Variants in ACTR3C observed in about 807,000 individuals in gnomAD.
ACTR3C encodes the protein actin related protein 3C.
A neutral mutation model predicts 26.3 loss-of-function variants in ACTR3C; 18 were observed. The ratio of observed to expected loss-of-function variants is 0.68; its 90% CI spans 0.47 to 1.01. The LOEUF (loss-of-function observed/expected upper bound fraction) is 1.01, where lower values mean the gene tolerates loss of function less well. ACTR3C is among the 50% of genes least tolerant of loss of function. The pLI is 0.00. For missense variants in ACTR3C, 184 were observed against 250.7 expected (o/e 0.73, Z 1.80); for synonymous variants, 55 against 94.5 (o/e 0.58, Z 2.42).
chr7:150,133,454 T>C, the ACTR3C span, among the ~76,000 whole-genome samples: 14 of 152,260 alleles, frequency 9.2e-5, no homozygotes, highest in Middle Eastern at 3.4e-3. Flanking sequence ...TCCTAGGAGC[T>C]CCTGGAGTTC....
At chr7:150,038,521 C>G in the ACTR3C span, among the ~76,000 whole-genome samples, 1 of 144,582 alleles carries the variant, frequency 6.9e-6, no homozygotes, top group Non-Finnish European at 1.5e-5. Context: ...AGTTTGGGAT[C>G]CACAGCCTAC....
chr7:150,012,153 C>A, the ACTR3C span, among the ~76,000 whole-genome samples: 2 of 152,076 alleles, frequency 1.3e-5, no homozygotes, highest in Non-Finnish European at 2.9e-5. Flanking sequence ...TAGGCTAAGT[C>A]AGTAACTGCT....
the ACTR3C span, among the ~76,000 whole-genome samples, chr7:150,149,079 GTATATATATA>G: frequency 0.066 from 6,150 of 92,868 alleles, 461 homozygotes; most frequent in Non-Finnish European, 0.085. Context: ...TAAAGTTTGA[GTATATATATA>G]TATATATATA....
At chr7:150,260,677 G>A (rs1042868736) in intron 6 of ACTR3C, among the ~76,000 whole-genome samples, 19 of 152,320 alleles carry the variant, frequency 1.2e-4, no homozygotes, top group Non-Finnish European at 2.1e-4. Context: ...CGGGGTCTGC[G>A]TGATCATCTT....
chr7:150,202,578 C>A, the ACTR3C span, among the ~76,000 whole-genome samples: 1 of 152,286 alleles, frequency 6.6e-6, no homozygotes, highest in African/African-American at 2.4e-5. Context: ...CAAAGCTCTG[C>A]AGCATCATCA....
chr7:150,042,857 C>G, the ACTR3C span, among the ~76,000 whole-genome samples: 5 of 150,954 alleles, frequency 3.3e-5, no homozygotes, highest in Non-Finnish European at 7.4e-5. Context: ...CTCTCTCTGA[C>G]GCATACAATG....
At chr7:149,990,537 C>T in the ACTR3C span, among the ~76,000 whole-genome samples, 33 of 125,978 alleles carry the variant, frequency 2.6e-4, no homozygotes, top group African/African-American at 9.2e-4. Context: ...CCTGGCCTAG[C>T]GGTTGGAGAT....
chr7:150,127,151 C>G, the ACTR3C span, among the ~76,000 whole-genome samples: 1 of 89,984 alleles, frequency 1.1e-5, no homozygotes, highest in African/African-American at 4.0e-5. Flanking sequence ...CACACACACA[C>G]ACACACACAC....
At chr7:149,904,303 G>C in the ACTR3C span, among the ~76,000 whole-genome samples, 1 of 150,534 alleles carries the variant, frequency 6.6e-6, no homozygotes, top group African/African-American at 2.4e-5. Flanking sequence ...GAGCTGAGGT[G>C]GGTGAATCAC....
the ACTR3C span, among the ~76,000 whole-genome samples, chr7:150,103,701 C>A: frequency 6.6e-6 from 1 of 151,832 alleles, no homozygotes; most frequent in Admixed American, 6.6e-5. Context: ...ATATTACCTT[C>A]CAAAAAAATT....
chr7:150,265,866 G>C (rs546026262), intron 6 of ACTR3C, among the ~76,000 whole-genome samples: 1 of 152,190 alleles, frequency 6.6e-6, no homozygotes, highest in South Asian at 2.1e-4. Context: ...GGGAGCATCT[G>C]AGAGTAACTT....
chr7:150,082,015 C>T, the ACTR3C span, among the ~76,000 whole-genome samples: 1 of 152,034 alleles, frequency 6.6e-6, no homozygotes, highest in Non-Finnish European at 1.5e-5. Flanking sequence ...CTTTTAATAT[C>T]ACAGTCACCC....
chr7:150,041,111 G>A, the ACTR3C span, among the ~76,000 whole-genome samples: 3 of 150,492 alleles, frequency 2.0e-5, no homozygotes, highest in East Asian at 1.9e-4. Flanking sequence ...TTGTCAGATC[G>A]GGTAGCCCCA....
At chr7:150,204,572 G>C in the ACTR3C span, among the ~76,000 whole-genome samples, 1 of 152,136 alleles carries the variant, frequency 6.6e-6, no homozygotes, top group Non-Finnish European at 1.5e-5. Flanking sequence ...CACATCCAGA[G>C]AGACCCATCA....
At chr7:150,319,895 C>T (rs1011014868) in intron 1 of ACTR3C, among the ~76,000 whole-genome samples, 2 of 152,180 alleles carry the variant, frequency 1.3e-5, no homozygotes, top group Non-Finnish European at 2.9e-5. Context: ...CCTAGCAAAA[C>T]GAGATGATTT....
the ACTR3C span, among the ~76,000 whole-genome samples, chr7:150,065,429 C>T: frequency 6.6e-6 from 1 of 152,232 alleles, no homozygotes; most frequent in African/African-American, 2.4e-5. Flanking sequence ...TACATGACCA[C>T]ATCATAGTTC....
the ACTR3C span, among the ~76,000 whole-genome samples, chr7:150,011,324 C>T: frequency 4.6e-5 from 7 of 151,804 alleles, no homozygotes; most frequent in Admixed American, 4.6e-4. Context: ...CGGTGGCTCA[C>T]GCCTGTAATC....
the ACTR3C span, among the ~76,000 whole-genome samples, chr7:150,187,208 A>G: frequency 2.6e-5 from 4 of 151,050 alleles, no homozygotes; most frequent in African/African-American, 7.4e-5. Flanking sequence ...TCTTTAAATT[A>G]TAACCAATTT....
At chr7:150,034,999 A>T in the ACTR3C span, among the ~76,000 whole-genome samples, 1 of 136,762 alleles carries the variant, frequency 7.3e-6, no homozygotes, top group Non-Finnish European at 1.6e-5. Flanking sequence ...CCCTCCTGTG[A>T]TGGGGGTCCT....
Sources: allele counts gnomAD v4.1 joint callset (sites outside exome capture counted in the v4.1 genomes callset), GRCh38; gene constraint gnomAD v4.1.1; transcripts MANE v1.5; gene names NCBI Gene and HGNC (gene_info 2026-07-23, HGNC 2026-07-21).